Variants in C16orf46 observed in about 807,000 individuals in gnomAD.
C16orf46 encodes chromosome 16 open reading frame 46.
C16orf46 carries 7 observed loss-of-function variants against 5.5 expected under a neutral mutation model. The ratio of observed to expected loss-of-function variants is 1.28; its 90% CI spans 0.73 to 2.40. The LOEUF (loss-of-function observed/expected upper bound fraction) is 2.40. C16orf46 is among the 30% of genes most tolerant of loss of function. The pLI is 0.00. For synonymous variants in C16orf46, 200 were observed against 184.1 expected, an observed-to-expected ratio of 1.09 and a Z score of -0.70; for missense variants, 614 against 476.0, an observed-to-expected ratio of 1.29 and a Z score of -2.70.
chr16:81,064,056 C>T (rs193278264), intron 2 of C16orf46, 63 bp from the exon 3 acceptor site: 1 of 868,736 alleles, frequency 1.2e-6, no homozygotes, highest in Non-Finnish European at 1.7e-6. Flanking sequence ...AAAAGCAATG[C>T]AATACTCAGG....
downstream of C16orf46, among the ~76,000 whole-genome samples, chr16:81,057,652 A>G (rs2911158): frequency 0.77 from 116,857 of 151,328 alleles, 47,721 homozygotes; most frequent in South Asian, 0.91. Flanking sequence ...ATCTTTTGAA[A>G]CGTATAAACT....
At chr16:81,063,666 C>G (rs1366236915) in intron 3 of C16orf46, 80 bp downstream of exon 3, 63 of 1,243,620 alleles carry the variant, frequency 5.1e-5, no homozygotes, top group Non-Finnish European at 1.0e-5. Flanking sequence ...GTAATATTAA[C>G]TATTTTTGGG....
intron 1 of C16orf46, among the ~76,000 whole-genome samples, chr16:81,073,383 G>T (rs1242940949): frequency 6.6e-6 from 1 of 152,174 alleles, no homozygotes; most frequent in Non-Finnish European, 1.5e-5. Context: ...TATGGTCATG[G>T]AGAGAAAAAT....
rs1317343354 is a variant in C16orf46 at position 81,061,635 on chromosome 16, C to G, written c.714G>C (p.Glu238Asp). 2 of 1,614,198 alleles carry G rather than the reference C, an allele frequency of 1.2e-6. No homozygotes were observed. Among genetic ancestry groups the G allele is most frequent in the Admixed American group, 1.7e-5 (1 of 60,024 alleles). ...CATCCTTTTCCACATCCAGCACCTT[C>G]TCTTCTGACTGCAAGAAAGAGTTCT... ...KSKNSFLQSE[E>D]KVLDVEKDGC... The change falls in exon 4 of 4, where the codon GAG becomes GAC. Residue 238 changes from glutamate (E) to aspartate (D), a missense_variant. Physicochemically the swap from Glu to Asp is conservative, Grantham distance 45. Transcript: ENST00000299578.
rs368244002 is a variant in C16orf46 at position 81,061,477 on chromosome 16, A to G, written c.872T>C (p.Leu291Pro). ...SPSPAAQISL[L>P]TDPEQRCLHW... ...CAGGCAGCGCTGCTCCGGATCGGTC[A>G]GCAGGGATATCTGGGCCGCTGGGGA... Residue 291 changes from leucine (L) to proline (P), a missense_variant, in exon 4 of 4, where the codon CTG becomes CCG. Physicochemically the swap from Leu to Pro is moderately conservative, Grantham distance 98 (BLOSUM62 -3). Transcript: ENST00000299578. The G allele has an allele frequency of 1.3e-5, 21 of 1,614,106 alleles. No homozygotes were observed. Among genetic ancestry groups the G allele is most frequent in the Non-Finnish European group, 1.7e-5 (20 of 1,180,048 alleles).
rs544451198 is a variant in C16orf46 at position 81,073,186 on chromosome 16, G to C, written c.-128+3950C>G. Reference sequence around the variant, plus strand: ...TATTTTACCACTATAGAAGGGAACAGATGTCTGTAGTTATTACCCTGTGTA... The same window carrying C: ...TATTTTACCACTATAGAAGGGAACACATGTCTGTAGTTATTACCCTGTGTA... On this transcript the variant is annotated intron_variant, in intron 1 of 3. Transcript: ENST00000299578. Among the ~76,000 whole-genome samples the C allele has an allele frequency of 2.0e-5, 3 of 152,304 alleles. No individual in the cohort carries two copies. The East Asian group carries it at 5.8e-4, about 29-fold the overall frequency.
At chr16:81,064,458 G>T (rs1053752713) in intron 2 of C16orf46, among the ~76,000 whole-genome samples, 10 of 152,000 alleles carry the variant, frequency 6.6e-5, no homozygotes, top group South Asian at 2.1e-4. Flanking sequence ...CACTATGAAA[G>T]ATAAGGCAGC....
intron 2 of C16orf46, 146 bp downstream of exon 2, chr16:81,066,047 G>A (rs1348906616): frequency 6.6e-6 from 1 of 151,748 alleles, no homozygotes; most frequent in Non-Finnish European, 1.5e-5. Flanking sequence ...CACCGTGCCT[G>A]GCCAACACTA....
rs749934311 is a variant in C16orf46, at chr16:81,063,985, ATCT to A, written c.-33_-31del. 13 of 1,507,606 alleles carry A rather than the reference ATCT, an allele frequency of 8.6e-6. No individual in the cohort carries two copies. The highest frequency in any genetic ancestry group is 1.2e-5 in the Non-Finnish European group (13 of 1,102,666). 93.4% of individuals were successfully genotyped at this position (1,507,606 alleles called of 1,614,324 possible). On this transcript the variant is annotated 5_prime_UTR_variant, in exon 3 of 4. It adds an upstream start codon to the 5' untranslated region. Coordinates refer to ENST00000299578, the MANE Select transcript of C16orf46 (RefSeq NM_152337.3). ...GTGATGCTTGCTTAAAGTTTTTAAC[ATCT>A]TCTTGCTGTTTAAAAACATGAATGG...
intron 3 of C16orf46, among the ~76,000 whole-genome samples, chr16:81,063,259 A>C (rs542898660): frequency 2.6e-5 from 4 of 151,528 alleles, no homozygotes; most frequent in East Asian, 3.9e-4. Context: ...AAAAAAAAAA[A>C]AAAAAAAAAC....
intron 3 of C16orf46, among the ~76,000 whole-genome samples, chr16:81,062,773 A>T (rs2151750204): frequency 1.3e-5 from 2 of 152,270 alleles, no homozygotes; most frequent in South Asian, 4.1e-4. Flanking sequence ...TGCCAGTAAA[A>T]ATATAGGACC....
chr16:81,057,799 A>T (rs915172818), downstream of C16orf46: 5 of 152,948 alleles, frequency 3.3e-5, no homozygotes, highest in Admixed American at 2.6e-4. Context: ...TGGGAGGCCA[A>T]GGCGGGCGGA....
In C16orf46 at chr16:81,061,669, T is replaced by C. The variant is rs1971482251; in HGVS notation, c.680A>G (p.Lys227Arg). The part of the protein sequence containing the change: ...SLSNALDVLG[K>R]KSKNSFLQSE... ...CTGCAAGAAAGAGTTCTTACTCTTCTTACCCAGAACATCCAAAGCATTTGA... is the reference window on the plus strand; with the variant it reads ...CTGCAAGAAAGAGTTCTTACTCTTCCTACCCAGAACATCCAAAGCATTTGA... Residue 227 changes from lysine (K) to arginine (R), a missense_variant, in exon 4 of 4, where the codon AAG becomes AGG. Lys to Arg is a conservative substitution (Grantham distance 26, BLOSUM62 2). Coordinates refer to ENST00000299578, the MANE Select transcript of C16orf46 (RefSeq NM_152337.3). 1.9e-6 allele frequency: 3 copies of C among 1,614,196 alleles called. No homozygotes were observed. Among genetic ancestry groups the C allele is most frequent in the East Asian group, 4.5e-5 (2 of 44,874 alleles).
downstream of C16orf46, among the ~76,000 whole-genome samples, chr16:81,056,660 C>G (rs1971304376): frequency 7.0e-6 from 1 of 143,856 alleles, no homozygotes; most frequent in African/African-American, 2.6e-5. Context: ...CGCGCCACAG[C>G]ACTCCAGCCT....
Position 81,063,783 on chromosome 16 carries a change from G to T in C16orf46, c.173C>A (p.Ala58Asp). 6.2e-7 allele frequency: 1 copy of T among 1,613,880 alleles called. No homozygotes were observed. Reference protein sequence around the residue: ...SDITLEQDEKAKEFIIGTGWE... With the variant: ...SDITLEQDEKDKEFIIGTGWE... ...TCCAGTTCCAATAATAAACTCTTTGGCTTTTTCATCTTGTTCAAGCGTAAT... is the reference window on the plus strand; with the variant it reads ...TCCAGTTCCAATAATAAACTCTTTGTCTTTTTCATCTTGTTCAAGCGTAAT... The change falls in exon 3 of 4, where the codon GCC becomes GAC. Residue 58 changes from alanine (A) to aspartate (D), a missense_variant. By Grantham distance (126) the Ala-to-Asp change is moderately radical. Transcript: ENST00000299578.
rs746447976 is a variant in C16orf46 at position 81,062,053 on chromosome 16, C to T, written c.296G>A (p.Cys99Tyr). ...GTTAACACACACCAAGCAGTCGCTG[C>T]AGGCACCTTCCCCTACCCTCGCCTT... ...PKKARVGEGA[C>Y]SDCLVCVNLS... Residue 99 changes from cysteine (C) to tyrosine (Y), a missense_variant, in exon 4 of 4, where the codon TGC becomes TAC. Transcript: ENST00000299578. 2.5e-6 allele frequency: 4 copies of T among 1,613,096 alleles called. No homozygotes were observed. The highest frequency in any genetic ancestry group is 3.4e-6 in the Non-Finnish European group (4 of 1,179,992).
At chr16:81,064,901 C>T (rs184173328) in intron 2 of C16orf46, among the ~76,000 whole-genome samples, 5 of 152,308 alleles carry the variant, frequency 3.3e-5, no homozygotes, top group African/African-American at 9.6e-5. Flanking sequence ...GAATCCAGAC[C>T]TATGAGGTAA....
chr16:81,063,922 C>A lies in C16orf46; in HGVS notation c.34G>T (p.Glu12Ter). 1 of 1,613,432 alleles carries A rather than the reference C, an allele frequency of 6.2e-7. No homozygotes were observed. Among genetic ancestry groups the A allele is most frequent in the Non-Finnish European group, 8.5e-7 (1 of 1,179,726 alleles). Reference protein sequence around the residue: ...DLCQKNETDLENAENNEIQFT... With the variant: ...DLCQKNETDL ...TGAATTTCATTATTTTCAGCATTTT[C>A]TAAGTCAGTCTCATTTTTCTGACAG... The change falls in exon 3 of 4, where the codon GAA becomes TAA. Residue 12 changes from glutamate to a stop codon, truncating the protein, a stop_gained. Coordinates refer to ENST00000299578, the MANE Select transcript of C16orf46 (RefSeq NM_152337.3). LOFTEE classifies it high-confidence loss of function.
downstream of C16orf46, chr16:81,056,010 G>C (rs1266129561): frequency 6.6e-6 from 1 of 152,174 alleles, no homozygotes; most frequent in African/African-American, 2.4e-5. Context: ...GAGCCACAAT[G>C]CCCAGCCAAC....
Sources: allele counts gnomAD v4.1 joint callset (sites outside exome capture counted in the v4.1 genomes callset), GRCh38; gene constraint gnomAD v4.1.1; transcripts MANE v1.5; gene names NCBI Gene and HGNC (gene_info 2026-07-23, HGNC 2026-07-21).